Variants in MANBA observed in about 807,000 individuals in gnomAD.
The protein encoded by MANBA is beta-mannosidase.
MANBA carries 83 observed loss-of-function variants against 111.1 expected under a neutral mutation model. The observed-to-expected ratio is 0.75, with a 90% CI of 0.63 to 0.90. The LOEUF is 0.90. Among genes scored for constraint, MANBA ranks in the 40% least tolerant of loss-of-function variants. MANBA has a pLI of 0.00. For synonymous variants in MANBA, 370 were observed against 378.7 expected (o/e 0.98, Z 0.27); for missense variants, 1,036 against 1,069.0 (o/e 0.97, Z 0.43).
Position 102,630,939 on chromosome 4 carries a change from C to T in MANBA, c.*1118G>A, listed in dbSNP as rs564808857. 1.3e-5 allele frequency: 2 copies of T among 152,326 alleles called. No individual in the cohort carries two copies. Among genetic ancestry groups the T allele is most frequent in the East Asian group, 3.9e-4 (2 of 5,184 alleles). 9.4% of individuals were successfully genotyped at this position (152,326 alleles called of 1,614,324 possible). ...TCAGCTTGAAAGCCCCTTCTCAGGG[C>T]CCCTGGCAGAACATGCACAGGTGTC... On this transcript the variant is annotated 3_prime_UTR_variant, in exon 17 of 17. Coordinates refer to ENST00000647097, the MANE Select transcript of MANBA (RefSeq NM_005908.4).
chr4:102,650,711 A>T lies in MANBA; in HGVS notation c.1705-10T>A, dbSNP rs201416652. ...CCTCTGTAGACGAGACCTTTCAAAT[A>T]AAGAATAAGAATTAGAAATCTGAAA... On this transcript the variant is annotated splice_polypyrimidine_tract_variant and intron_variant, in intron 12 of 16. Transcript: ENST00000647097. The T allele has an allele frequency of 1.2e-6, 2 of 1,607,460 alleles. No homozygotes were observed. The highest frequency in any genetic ancestry group is 2.7e-5 in the African/African-American group (2 of 74,768).
chr4:102,740,138 T>C (rs1723349625), intron 1 of MANBA, among the ~76,000 whole-genome samples: 1 of 152,168 alleles, frequency 6.6e-6, no homozygotes, highest in South Asian at 2.1e-4. Flanking sequence ...AGCACTCCTA[T>C]ACACCAACAG....
chr4:102,760,815 C>A lies in MANBA; in HGVS notation c.80G>T (p.Gly27Val). ...TAAELSYSLRGNWSICNGNGS... is the reference protein window; with the variant it reads ...TAAELSYSLRVNWSICNGNGS... Reference sequence around the variant, plus strand: ...GTTCCCATTGCAGATGCTCCAGTTGCCACGCAAGCTGTAACTGAGCTCCGC... The same window carrying A: ...GTTCCCATTGCAGATGCTCCAGTTGACACGCAAGCTGTAACTGAGCTCCGC... Residue 27 changes from glycine (G) to valine (V), a missense_variant, in exon 1 of 17, where the codon GGC becomes GTC. Coordinates refer to ENST00000647097, the MANE Select transcript of MANBA (RefSeq NM_005908.4). The A allele has an allele frequency of 6.4e-7, 1 of 1,564,332 alleles. No homozygotes were observed. Among genetic ancestry groups the A allele is most frequent in the Non-Finnish European group, 8.7e-7 (1 of 1,154,452 alleles).
rs540127668 is a variant in MANBA at position 102,727,823 on chromosome 4, G to A, written c.178-1140C>T. 20 of 627,722 alleles carry A rather than the reference G, an allele frequency of 3.2e-5. 1 individual carries two copies. Among genetic ancestry groups the A allele is most frequent in the South Asian group, 1.2e-4 (7 of 57,094 alleles). 38.9% of individuals were successfully genotyped at this position (627,722 alleles called of 1,614,324 possible). A position where few individuals can be genotyped will look rare whatever the true frequency, so the allele number is the denominator to read the frequency against. On this transcript the variant is annotated intron_variant, in intron 1 of 16. Coordinates refer to ENST00000647097, the MANE Select transcript of MANBA (RefSeq NM_005908.4). ...AACATTCTGATGGAGAAATACTTCC[G>A]GAAAAGGATTTTCCTGAAGACTCAG...
chr4:102,749,916 C>T (rs187784525), intron 1 of MANBA, among the ~76,000 whole-genome samples: 6 of 152,166 alleles, frequency 3.9e-5, no homozygotes, highest in Admixed American at 2.0e-4. Context: ...TTCGGGGCCA[C>T]GCAAAGCAAA....
chr4:102,637,013 G>A (rs1294117447), intron 14 of MANBA, among the ~76,000 whole-genome samples: 4 of 152,040 alleles, frequency 2.6e-5, no homozygotes, highest in Non-Finnish European at 4.4e-5. Context: ...AGATCTGATC[G>A]TTTTATAAAG....
intron 14 of MANBA, among the ~76,000 whole-genome samples, chr4:102,637,940 G>T (rs1345544630): frequency 6.6e-6 from 1 of 152,168 alleles, no homozygotes; most frequent in East Asian, 1.9e-4. Flanking sequence ...GCAGCTTTGT[G>T]GAACTGAGTT....
In MANBA at chr4:102,634,743, C is replaced by T. The variant is rs1329836013; in HGVS notation, c.2415+45G>A. 3 of 1,611,758 alleles carry T rather than the reference C, an allele frequency of 1.9e-6. No individual in the cohort carries two copies. In the African/African-American group the frequency reaches 4.0e-5, roughly 22 times the overall value. On this transcript the variant is annotated intron_variant, in intron 16 of 16. Transcript: ENST00000647097. ...GAGCTGGCCCAAGAGCAGGAGAACCCCACAAGGCCACAGTCCCCTGCCCTC... is the reference window on the plus strand; with the variant it reads ...GAGCTGGCCCAAGAGCAGGAGAACCTCACAAGGCCACAGTCCCCTGCCCTC...
intron 16 of MANBA, among the ~76,000 whole-genome samples, chr4:102,632,890 G>C (rs1469503470): frequency 6.6e-6 from 1 of 152,220 alleles, no homozygotes. Context: ...TTAAGTAGCC[G>C]AATAGCATAT....
rs1010552225 is a variant in MANBA at position 102,635,981 on chromosome 4, G to A, written c.2041C>T (p.His681Tyr). 1 of 1,613,798 alleles carries A rather than the reference G, an allele frequency of 6.2e-7. No homozygotes were observed. Among genetic ancestry groups the A allele is most frequent in the Non-Finnish European group, 8.5e-7 (1 of 1,179,708 alleles). ...LEYGGKWKMLHYFAQNFFAPL... is the reference protein window; with the variant it reads ...LEYGGKWKMLYYFAQNFFAPL... ...GCAAAGAAATTCTGAGCAAAGTAATGAAGCATTTTCCACTTTCCTCCGTAC... is the reference window on the plus strand; with the variant it reads ...GCAAAGAAATTCTGAGCAAAGTAATAAAGCATTTTCCACTTTCCTCCGTAC... The change falls in exon 15 of 17, where the codon CAT (histidine) becomes TAT (tyrosine). Residue 681 changes from histidine (H) to tyrosine (Y), a missense_variant. Physicochemically the swap from His to Tyr is moderately conservative, Grantham distance 83. Coordinates refer to ENST00000647097, the MANE Select transcript of MANBA (RefSeq NM_005908.4).
chr4:102,736,815 A>C (rs1723232523), intron 1 of MANBA, among the ~76,000 whole-genome samples: 1 of 152,168 alleles, frequency 6.6e-6, no homozygotes, highest in African/African-American at 2.4e-5. Flanking sequence ...TACCGGGAAA[A>C]CCAAAAGAAT....
At chr4:102,737,414 G>A (rs1723255223) in intron 1 of MANBA, among the ~76,000 whole-genome samples, 1 of 152,218 alleles carries the variant, frequency 6.6e-6, no homozygotes, top group Admixed American at 6.5e-5. Flanking sequence ...TGTTGGGGGG[G>A]CACAGTAGGA....
intron 1 of MANBA, among the ~76,000 whole-genome samples, chr4:102,747,354 T>C (rs1578958340): frequency 6.6e-6 from 1 of 152,128 alleles, no homozygotes; most frequent in Non-Finnish European, 1.5e-5. Context: ...GATAAGCCAC[T>C]ATAGTCTTTT....
intron 13 of MANBA, among the ~76,000 whole-genome samples, chr4:102,645,880 C>T (rs1224954959): frequency 2.0e-5 from 3 of 152,036 alleles, no homozygotes; most frequent in Admixed American, 6.6e-5. Context: ...ATTTAATGTG[C>T]CAAATTTCTG....
At chr4:102,651,445 C>CA (rs1175836649) in intron 12 of MANBA, among the ~76,000 whole-genome samples, 2 of 151,698 alleles carry the variant, frequency 1.3e-5, no homozygotes, top group Admixed American at 6.6e-5. Flanking sequence ...ATACCTTCTA[C>CA]AAAAAAAGAG....
At chr4:102,650,083 T>C (rs577413537) in intron 13 of MANBA, among the ~76,000 whole-genome samples, 2 of 152,114 alleles carry the variant, frequency 1.3e-5, no homozygotes, top group Non-Finnish European at 2.9e-5. Flanking sequence ...AGTTCATTTC[T>C]TTTCCCATAA....
At chr4:102,720,146 G>A (rs1722506587) in intron 4 of MANBA, among the ~76,000 whole-genome samples, 1 of 152,160 alleles carries the variant, frequency 6.6e-6, no homozygotes, top group Non-Finnish European at 1.5e-5. Flanking sequence ...GTTAAAAATG[G>A]AAGGGGAAGC....
At chr4:102,745,221 CCTGGTAATAGA>C (rs1723544800) in intron 1 of MANBA, among the ~76,000 whole-genome samples, 1 of 152,134 alleles carries the variant, frequency 6.6e-6, no homozygotes, top group Non-Finnish European at 1.5e-5. Flanking sequence ...ATGCAGTTAC[CCTGGTAATAGA>C]CTGGGGGTCT....
chr4:102,650,306 T>C (rs1489907835), intron 13 of MANBA, among the ~76,000 whole-genome samples: 1 of 152,232 alleles, frequency 6.6e-6, no homozygotes, highest in African/African-American at 2.4e-5. Context: ...AATATTTTCA[T>C]ACACAATTTA....
Sources: gnomAD v4.1 joint callset for allele counts (sites outside exome capture counted in the v4.1 genomes callset) on GRCh38, gnomAD v4.1.1 for gene constraint, MANE v1.5 for transcripts, NCBI Gene and HGNC (gene_info 2026-07-23, HGNC 2026-07-21) for gene names.